CRACD: variants seen among roughly 807,000 people sequenced by gnomAD.
CRACD encodes capping protein-inhibiting regulator of actin dynamics.
A neutral mutation model predicts 106.8 loss-of-function variants in CRACD; 56 were observed. That is an observed-to-expected ratio of 0.52 (90% CI 0.42 to 0.66). The LOEUF is 0.66. Ranked by LOEUF, CRACD falls within the 30% of genes least tolerant of loss-of-function variation. The pLI, the probability that CRACD is intolerant of heterozygous loss-of-function variation, is 0.00. For synonymous variants in CRACD, 754 were observed against 670.8 expected, an observed-to-expected ratio of 1.12 and a Z score of -1.92; for missense variants, 1,730 against 1,623.2, an observed-to-expected ratio of 1.07 and a Z score of -1.13.
intron 1 of CRACD, among the ~76,000 whole-genome samples, chr4:56,092,634 A>T (rs1317899640): frequency 3.3e-5 from 5 of 151,876 alleles, no homozygotes; most frequent in Admixed American, 1.3e-4. Flanking sequence ...ACAAGGTCTC[A>T]CTCTGTCGCC....
chr4:56,319,210 C>T (rs1745886153), intron 8 of CRACD, among the ~76,000 whole-genome samples: 1 of 152,082 alleles, frequency 6.6e-6, no homozygotes, highest in African/African-American at 2.4e-5. Context: ...ATAGCCTTCC[C>T]AGCTTCCCTG....
chr4:56,263,519 T>A (rs1741825676), intron 2 of CRACD, among the ~76,000 whole-genome samples: 1 of 152,164 alleles, frequency 6.6e-6, no homozygotes, highest in South Asian at 2.1e-4. Flanking sequence ...CATCTTATCC[T>A]ATGTCTTCAT....
intron 1 of CRACD, among the ~76,000 whole-genome samples, chr4:56,057,799 A>ATTTTTTTTTTTTTT (rs754198915): frequency 2.3e-5 from 1 of 43,478 alleles, no homozygotes; most frequent in Non-Finnish European, 4.6e-5. Flanking sequence ...CATTTTTTGT[A>ATTTTTTTTTTTTTT]TTTTTTTTTT....
At chr4:56,055,862 G>A (rs1005443151) in intron 1 of CRACD, among the ~76,000 whole-genome samples, 2 of 152,168 alleles carry the variant, frequency 1.3e-5, no homozygotes, top group Admixed American at 1.3e-4. Context: ...GCAGATCATT[G>A]ATCACAAAGG....
rs181642078 is a variant in CRACD, at chr4:56,200,769, C to T, written c.-189+21339C>T. 3.3e-5 allele frequency among the ~76,000 whole-genome samples: 5 copies of T among 152,282 alleles called. No homozygotes were observed. The East Asian group carries it at 7.7e-4, about 23-fold the overall frequency. ...AGTGTAGAAAGTTCGCCTAAACCCTCTGCCCGCACAGTGTAGTATTTTACT... is the reference window on the plus strand; with the variant it reads ...AGTGTAGAAAGTTCGCCTAAACCCTTTGCCCGCACAGTGTAGTATTTTACT... On this transcript the variant is annotated intron_variant, in intron 2 of 10. Transcript: ENST00000682029.
At chr4:56,066,534 C>A (rs1268803281) in intron 1 of CRACD, among the ~76,000 whole-genome samples, 1 of 151,968 alleles carries the variant, frequency 6.6e-6, no homozygotes, top group Admixed American at 6.6e-5. Context: ...CAGAGCGAGA[C>A]CCTGTCTCAG....
At chr4:56,250,481 G>T (rs1740987700) in intron 2 of CRACD, among the ~76,000 whole-genome samples, 1 of 152,122 alleles carries the variant, frequency 6.6e-6, no homozygotes, top group African/African-American at 2.4e-5. Flanking sequence ...TATGGAACTT[G>T]CCCAAAGTCT....
At chr4:56,060,616 G>A (rs112252289) in intron 1 of CRACD, among the ~76,000 whole-genome samples, 1 of 152,026 alleles carries the variant, frequency 6.6e-6, no homozygotes, top group Non-Finnish European at 1.5e-5. Flanking sequence ...TAGAGAAGTG[G>A]GCCAGGAACA....
intron 3 of CRACD, among the ~76,000 whole-genome samples, chr4:56,295,791 A>G (rs1305831824): frequency 7.3e-5 from 11 of 151,422 alleles, no homozygotes; most frequent in African/African-American, 2.7e-4. Flanking sequence ...GATCTGAAAA[A>G]GAAGTTTAGA....
chr4:56,112,627 C>T (rs2109844375), intron 1 of CRACD, among the ~76,000 whole-genome samples: 1 of 152,284 alleles, frequency 6.6e-6, no homozygotes, highest in African/African-American at 2.4e-5. Context: ...ACTGCCAGCA[C>T]ACCTGGGTTT....
At chr4:56,287,176 G>A (rs1743417887) in intron 3 of CRACD, among the ~76,000 whole-genome samples, 1 of 152,194 alleles carries the variant, frequency 6.6e-6, no homozygotes, top group Non-Finnish European at 1.5e-5. Flanking sequence ...CTAGGCTGGA[G>A]TATGGTGACG....
chr4:56,230,170 TAAGTCCATTAC>T (rs1000982563), intron 2 of CRACD, among the ~76,000 whole-genome samples: 3 of 152,230 alleles, frequency 2.0e-5, no homozygotes, highest in African/African-American at 7.2e-5. Flanking sequence ...TTTGTGGTTT[TAAGTCCATTAC>T]ATGCCCCAGC....
intron 4 of CRACD, among the ~76,000 whole-genome samples, chr4:56,300,884 C>A (rs1744329331): frequency 6.6e-6 from 1 of 152,270 alleles, no homozygotes; most frequent in East Asian, 1.9e-4. Context: ...TTTAAATAAC[C>A]TGATGTCATA....
chr4:56,083,971 T>A (rs1733127356), intron 1 of CRACD, among the ~76,000 whole-genome samples: 1 of 152,154 alleles, frequency 6.6e-6, no homozygotes, highest in South Asian at 2.1e-4. Flanking sequence ...AGTGAGACCT[T>A]ATCTCAAAAA....
In CRACD at chr4:56,190,159, T is replaced by G. The variant is rs565069160; in HGVS notation, c.-189+10729T>G. On this transcript the variant is annotated intron_variant, in intron 2 of 10. Transcript: ENST00000682029. ...ACAAAGGACATGAACTCATCATTTT[T>G]TATGGCTGCATAGTATTCCATGGTG... Among the ~76,000 whole-genome samples, 25 of 152,098 alleles carry G rather than the reference T, an allele frequency of 1.6e-4. No homozygotes were observed. The East Asian group carries it at 4.7e-3, about 28-fold the overall frequency.
At chr4:56,112,810 C>G (rs1734162999) in intron 1 of CRACD, among the ~76,000 whole-genome samples, 1 of 152,022 alleles carries the variant, frequency 6.6e-6, no homozygotes, top group Non-Finnish European at 1.5e-5. Context: ...CATTTCTCTT[C>G]AGGGAATTCA....
chr4:56,093,743 G>A (rs765687793), intron 1 of CRACD, among the ~76,000 whole-genome samples: 1 of 152,198 alleles, frequency 6.6e-6, no homozygotes, highest in South Asian at 2.1e-4. Flanking sequence ...TGAAGACCTT[G>A]CTTATGCTTC....
Position 56,314,080 on chromosome 4 carries a change from G to A in CRACD, c.578G>A (p.Cys193Tyr). 1 of 1,614,176 alleles carries A rather than the reference G, an allele frequency of 6.2e-7. No individual in the cohort carries two copies. The highest frequency in any genetic ancestry group is 1.1e-5 in the South Asian group (1 of 91,084). The change falls in exon 8 of 11, where the codon TGC becomes TAC. Residue 193 changes from cysteine to tyrosine, a missense_variant. Physicochemically the swap from Cys to Tyr is radical, Grantham distance 194 (BLOSUM62 -2). This residue lies in a region of CRACD where 1,620 missense variants were observed against 1,481.6 expected (regional missense o/e 1.09). Coordinates refer to ENST00000682029, the MANE Select transcript of CRACD (RefSeq NM_001393381.1). This position sits in a 1 kb window ranked among gnomAD's most constrained non-coding sequence, Gnocchi z 4.4. ...HEQGGLESRPCLDQNGHPGED... is the reference protein window; with the variant it reads ...HEQGGLESRPYLDQNGHPGED... ...CAAGGCGGCCTTGAGAGTCGGCCCT[G>A]CCTGGACCAGAACGGACACCCAGGC...
At chr4:56,310,192 C>G (rs944832895) in intron 5 of CRACD, among the ~76,000 whole-genome samples, 5 of 152,104 alleles carry the variant, frequency 3.3e-5, no homozygotes, top group Admixed American at 1.3e-4. Context: ...TGGTCTTTCA[C>G]CTTCTCAGCC....
Sources: gnomAD v4.1 joint callset for allele counts (sites outside exome capture counted in the v4.1 genomes callset) on GRCh38, gnomAD v4.1.1 for gene constraint, gnomAD v4.1.1 regional missense constraint, Gnocchi (gnomAD v3.1) non-coding constraint, MANE v1.5 for transcripts, NCBI Gene and HGNC (gene_info 2026-07-23, HGNC 2026-07-21) for gene names.